PXT1: variants seen among roughly 807,000 people sequenced by gnomAD.
The protein encoded by PXT1 is peroxisomal testis enriched protein 1.
PXT1 carries 11 observed loss-of-function variants against 11.0 expected under a neutral mutation model. The ratio of observed to expected loss-of-function variants is 1.00; its 90% CI spans 0.63 to 1.66. PXT1 has a LOEUF of 1.66. Among genes scored for constraint, PXT1 ranks in the 40% most tolerant of loss-of-function variants. PXT1 has a pLI of 0.00. For synonymous variants in PXT1, 43 were observed against 51.4 expected (o/e 0.84, Z 0.70); for missense variants, 141 against 155.5 (o/e 0.91, Z 0.49).
intron 3 of PXT1, among the ~76,000 whole-genome samples, chr6:36,413,683 C>T (rs1234713478): frequency 2.0e-5 from 3 of 151,968 alleles, no homozygotes; most frequent in Non-Finnish European, 4.4e-5. Flanking sequence ...ATTCTATGCC[C>T]AGCTAAACTG....
intron 1 of PXT1, among the ~76,000 whole-genome samples, chr6:36,441,121 A>AC (rs1454682384): frequency 2.0e-5 from 3 of 151,968 alleles, no homozygotes; most frequent in Non-Finnish European, 1.5e-5. Flanking sequence ...GAAAAAAAAA[A>AC]AAAAAAAGAA....
At chr6:36,430,615 C>T (rs1047914686) in intron 2 of PXT1, among the ~76,000 whole-genome samples, 9 of 152,134 alleles carry the variant, frequency 5.9e-5, no homozygotes, top group African/African-American at 2.2e-4. Context: ...CTCCTAGAGC[C>T]TCCAGATGGA....
At chr6:36,410,842 A>C (rs972624232) in intron 3 of PXT1, among the ~76,000 whole-genome samples, 2 of 152,192 alleles carry the variant, frequency 1.3e-5, no homozygotes, top group Non-Finnish European at 2.9e-5. Flanking sequence ...CATTTGGGAG[A>C]GTCCTGGAGA....
rs1209864480 is a variant in PXT1, at chr6:36,391,647, CA to C, written c.*122del. On this transcript the variant is annotated 3_prime_UTR_variant, in exon 5 of 5. Transcript: ENST00000454782. ...CTTCAACAAACTGGGTGTAGACCAACAGTGATGGGTACAAAAAGAGGGAGAC... is the reference window on the plus strand; with the variant it reads ...CTTCAACAAACTGGGTGTAGACCAACGTGATGGGTACAAAAAGAGGGAGAC... The C allele has an allele frequency of 2.7e-6, 2 of 747,468 alleles. No homozygotes were observed. The highest frequency in any genetic ancestry group is 4.8e-5 in the Admixed American group (2 of 41,516). 46.3% of individuals were successfully genotyped at this position (747,468 alleles called of 1,614,324 possible).
chr6:36,393,240 A>G (rs896400962), intron 4 of PXT1, among the ~76,000 whole-genome samples: 2 of 152,104 alleles, frequency 1.3e-5, no homozygotes, highest in Admixed American at 6.6e-5. Context: ...TGCCGGGATT[A>G]CAGGCGTGAG....
intron 2 of PXT1, among the ~76,000 whole-genome samples, chr6:36,432,524 A>G (rs1279182408): frequency 6.6e-6 from 1 of 152,156 alleles, no homozygotes; most frequent in Non-Finnish European, 1.5e-5. Context: ...GGTCAAGCCT[A>G]AGTGCTTAGA....
intron 3 of PXT1, among the ~76,000 whole-genome samples, chr6:36,413,333 C>T (rs747534913): frequency 7.6e-4 from 115 of 151,944 alleles, no homozygotes; most frequent in Non-Finnish European, 1.3e-3. Flanking sequence ...AGGAGAATGG[C>T]GTGAACCCAG....
At chr6:36,431,309 G>A (rs10440841) in intron 2 of PXT1, among the ~76,000 whole-genome samples, 86,640 of 152,104 alleles carry the variant, frequency 0.57, 26,137 homozygotes, top group Middle Eastern at 0.71. Context: ...ACAGCAAGCA[G>A]TGTATGTTGG....
intron 2 of PXT1, among the ~76,000 whole-genome samples, chr6:36,435,910 C>A (rs1774755748): frequency 6.6e-6 from 1 of 151,974 alleles, no homozygotes; most frequent in South Asian, 2.1e-4. Context: ...AAAAAATTAA[C>A]CTCCCTTGCA....
chr6:36,426,156 A>G (rs1774603317), intron 2 of PXT1, 65 bp from the exon 3 acceptor site: 1 of 1,016,302 alleles, frequency 9.8e-7, no homozygotes, highest in Non-Finnish European at 1.4e-6. Flanking sequence ...TATTTTAGAT[A>G]AATATTAATG....
At chr6:36,400,612 A>C in intron 3 of PXT1, 28 bp from the exon 4 acceptor site, 1 of 1,598,564 alleles carries the variant, frequency 6.3e-7, no homozygotes, top group Non-Finnish European at 8.5e-7. Context: ...AGTTCAAAAG[A>C]GATAATCCCA....
At chr6:36,440,810 C>T (rs1193515420) in intron 1 of PXT1, among the ~76,000 whole-genome samples, 5 of 152,126 alleles carry the variant, frequency 3.3e-5, no homozygotes, top group Non-Finnish European at 7.3e-5. Flanking sequence ...GAACCATTAA[C>T]TATTAAAAGT....
chr6:36,404,585 G>A (rs1272891156), intron 3 of PXT1, among the ~76,000 whole-genome samples: 3 of 151,880 alleles, frequency 2.0e-5, no homozygotes, highest in African/African-American at 7.3e-5. Flanking sequence ...GCCTTCCTAA[G>A]TGCTGAGATT....
intron 3 of PXT1, among the ~76,000 whole-genome samples, chr6:36,415,254 C>A (rs1431996588): frequency 6.6e-6 from 1 of 151,874 alleles, no homozygotes; most frequent in African/African-American, 2.4e-5. Context: ...ACCAGCCTGG[C>A]CAACATGGTG....
chr6:36,426,680 T>G (rs960548128), intron 2 of PXT1, among the ~76,000 whole-genome samples: 2 of 152,094 alleles, frequency 1.3e-5, no homozygotes, highest in Non-Finnish European at 2.9e-5. Flanking sequence ...TCTTCTCTTT[T>G]CAAGAGCCAC....
At chr6:36,413,025 C>T (rs1011893397) in intron 3 of PXT1, among the ~76,000 whole-genome samples, 3 of 152,010 alleles carry the variant, frequency 2.0e-5, no homozygotes, top group African/African-American at 7.2e-5. Flanking sequence ...AAAGGACCAG[C>T]ATCTGATTAA....
chr6:36,404,183 TG>T (rs1056724523), intron 3 of PXT1, among the ~76,000 whole-genome samples: 12 of 152,198 alleles, frequency 7.9e-5, no homozygotes, highest in Non-Finnish European at 1.3e-4. Flanking sequence ...CAAGTCTTGT[TG>T]AAAATTTACT....
chr6:36,421,101 G>A (rs942261003), intron 3 of PXT1, among the ~76,000 whole-genome samples: 3 of 151,638 alleles, frequency 2.0e-5, no homozygotes, highest in Admixed American at 6.6e-5. Flanking sequence ...TTGTATTGTG[G>A]TTATGCAGAA....
At chr6:36,409,375 G>T (rs1403370207) in intron 3 of PXT1, among the ~76,000 whole-genome samples, 1 of 152,146 alleles carries the variant, frequency 6.6e-6, no homozygotes, top group East Asian at 1.9e-4. Flanking sequence ...CACCACAGGG[G>T]CTCCTGATGC....
Sources: gnomAD v4.1 joint callset for allele counts (sites outside exome capture counted in the v4.1 genomes callset) on GRCh38, gnomAD v4.1.1 for gene constraint, MANE v1.5 for transcripts, NCBI Gene and HGNC (gene_info 2026-07-23, HGNC 2026-07-21) for gene names.